The following AMBRA1 variants were observed in gnomAD, a reference collection of about 807,000 sequenced individuals.
AMBRA1 encodes autophagy and beclin 1 regulator 1.
Under a neutral mutation model 125.4 loss-of-function variants are expected in AMBRA1, and 47 were observed. The observed-to-expected ratio is 0.37, with a 90% confidence interval of 0.30 to 0.48. The LOEUF (loss-of-function observed/expected upper bound fraction) is 0.48, where lower values mean the gene tolerates loss of function less well. Ranked by LOEUF, AMBRA1 falls within the 20% of genes least tolerant of loss-of-function variation. AMBRA1 has a pLI of 0.99. For missense variants in AMBRA1, 1,331 were observed against 1,693.4 expected, an observed-to-expected ratio of 0.79 and a Z score of 3.76; for synonymous variants, 626 against 655.5, an observed-to-expected ratio of 0.95 and a Z score of 0.69.
chr11:46,548,221 T>G, intron 2 of AMBRA1, 25 bp downstream of exon 2: 1 of 1,613,968 alleles, frequency 6.2e-7, no homozygotes, highest in Non-Finnish European at 8.5e-7. Flanking sequence ...ACAAATCCTA[T>G]GTGAAATATA....
rs1952759095 is a variant in AMBRA1, at chr11:46,541,842, G to C, written c.2072+103C>G. 3 of 1,454,990 alleles carry C rather than the reference G, an allele frequency of 2.1e-6. No homozygotes were observed. In the South Asian group the frequency reaches 3.9e-5, roughly 19 times the overall value. The allele number at this position is 1,454,990 out of a possible 1,614,324, so 90.1% of individuals were successfully genotyped here. A position where few individuals can be genotyped will look rare whatever the true frequency, so the allele number is the denominator to read the frequency against. On this transcript the variant is annotated intron_variant, in intron 7 of 17. Transcript: ENST00000683756. ...ATGGCGAGATCAGAAGCAGATGCGTGGGTCCCAGACACTCCAGATACAGCC... is the reference window on the plus strand; with the variant it reads ...ATGGCGAGATCAGAAGCAGATGCGTCGGTCCCAGACACTCCAGATACAGCC...
At chr11:46,399,041 T>C (rs1945589002) in intron 17 of AMBRA1, among the ~76,000 whole-genome samples, 1 of 152,060 alleles carries the variant, frequency 6.6e-6, no homozygotes, top group African/African-American at 2.4e-5. Flanking sequence ...CCCAAAGTGC[T>C]AGGATTACAG....
intron 7 of AMBRA1, 91 bp downstream of exon 7, chr11:46,541,854 C>T: frequency 6.5e-7 from 1 of 1,532,368 alleles, no homozygotes; most frequent in Non-Finnish European, 8.8e-7. Context: ...GTCCCAGACA[C>T]TCCAGATACA....
chr11:46,526,260 C>G (rs1346617349), intron 7 of AMBRA1, among the ~76,000 whole-genome samples: 1 of 151,724 alleles, frequency 6.6e-6, no homozygotes, highest in Non-Finnish European at 1.5e-5. Flanking sequence ...ATAGATATGG[C>G]CCTTAGAGTA....
chr11:46,476,472 A>G (rs531441364), intron 11 of AMBRA1, among the ~76,000 whole-genome samples: 1 of 152,236 alleles, frequency 6.6e-6, no homozygotes, highest in South Asian at 2.1e-4. Context: ...TACTGCTTCT[A>G]TCCCATAGGA....
At chr11:46,458,831 G>A (rs1565180163) in intron 11 of AMBRA1, among the ~76,000 whole-genome samples, 1 of 152,132 alleles carries the variant, frequency 6.6e-6, no homozygotes, top group Non-Finnish European at 1.5e-5. Flanking sequence ...AATACACAAG[G>A]AATGTCACCA....
chr11:46,579,451 C>T (rs943203584), intron 1 of AMBRA1, among the ~76,000 whole-genome samples: 1 of 152,112 alleles, frequency 6.6e-6, no homozygotes, highest in Non-Finnish European at 1.5e-5. Flanking sequence ...GAGCAAAACT[C>T]CATCTCAATA....
intron 1 of AMBRA1, among the ~76,000 whole-genome samples, chr11:46,581,480 G>A (rs1001083048): frequency 1.2e-4 from 18 of 152,018 alleles, no homozygotes; most frequent in Admixed American, 5.2e-4. Flanking sequence ...GGTGGTAGGC[G>A]CCTGTAGTCC....
intron 11 of AMBRA1, among the ~76,000 whole-genome samples, chr11:46,467,828 T>G (rs1211831797): frequency 6.6e-6 from 1 of 152,202 alleles, no homozygotes; most frequent in African/African-American, 2.4e-5. Flanking sequence ...GCCCTTTTAC[T>G]GTTAATTTAG....
In AMBRA1 at chr11:46,508,257, G is replaced by A; in HGVS notation, c.2273C>T (p.Ser758Phe). 2 of 1,614,216 alleles carry A rather than the reference G, an allele frequency of 1.2e-6. No homozygotes were observed. Among genetic ancestry groups the A allele is most frequent in the Non-Finnish European group, 1.7e-6 (2 of 1,180,024 alleles). ...YQQNRLRSSTSSSSSDNQGPS... is the reference protein window; with the variant it reads ...YQQNRLRSSTFSSSSDNQGPS... ...ACCCTGGTTGTCTGAGGAAGAGGAG[G>A]AGGTGGAAGAACGGAGACGGTTCTG... Residue 758 changes from serine to phenylalanine, a missense_variant, in exon 9 of 18, where the codon TCC becomes TTC. Around this residue, in one of 4 missense-constraint regions of AMBRA1, gnomAD observed 689 missense variants for 776.5 expected, o/e 0.89. Coordinates refer to ENST00000683756, the MANE Select transcript of AMBRA1 (RefSeq NM_001387011.1).
chr11:46,473,158 G>A (rs191462679), intron 11 of AMBRA1, among the ~76,000 whole-genome samples: 247 of 152,340 alleles, frequency 1.6e-3, no homozygotes, highest in African/African-American at 5.7e-3. Flanking sequence ...TTAATGCAAC[G>A]TCACTGGAAA....
chr11:46,466,994 T>G (rs1219728380), intron 11 of AMBRA1, among the ~76,000 whole-genome samples: 1 of 151,638 alleles, frequency 6.6e-6, no homozygotes, highest in Non-Finnish European at 1.5e-5. Context: ...CTTGGCTCAC[T>G]GAAACCTTCA....
At chr11:46,399,065 C>T (rs545812498) in intron 17 of AMBRA1, among the ~76,000 whole-genome samples, 4 of 151,786 alleles carry the variant, frequency 2.6e-5, no homozygotes, top group Non-Finnish European at 5.9e-5. Flanking sequence ...TGAGCCACCA[C>T]GCCTGGCCAT....
chr11:46,507,469 ACTC>A lies in AMBRA1; in HGVS notation c.2339+719_2339+721del, dbSNP rs572657672. 3.6e-3 allele frequency among the ~76,000 whole-genome samples: 513 copies of A among 142,126 alleles called. 1 individual carries two copies. Among genetic ancestry groups the A allele is most frequent in the South Asian group, 0.011 (50 of 4,350 alleles). The allele number at this position is 142,126 out of a possible 152,430, so 93.2% of individuals were successfully genotyped here. A position where few individuals can be genotyped will look rare whatever the true frequency, so the allele number is the denominator to read the frequency against. On this transcript the variant is annotated intron_variant, in intron 9 of 17. Transcript: ENST00000683756. Reference sequence around the variant, plus strand: ...ACTCCAGCCTGAGCGAAAGAGCGAGACTCCGTCTCAAAAAAAAAAAAAAAAAAG... The same window carrying A: ...ACTCCAGCCTGAGCGAAAGAGCGAGACGTCTCAAAAAAAAAAAAAAAAAAG...
rs35217088 is a variant in AMBRA1 at position 46,503,060 on chromosome 11, C to CAA, written c.2339+5129_2339+5130dup. 7.0e-3 allele frequency among the ~76,000 whole-genome samples: 215 copies of CAA among 30,876 alleles called. 5 individuals carry two copies. The highest frequency in any genetic ancestry group is 0.042 in the Middle Eastern group (2 of 48). The allele number at this position is 30,876 out of a possible 152,430, so 20.3% of individuals were successfully genotyped here. ...TGGGTGACAGAGCGAGACTCTGTCT[C>CAA]AAAAAAAAAAAAAAAAAAAAAAAAA... On this transcript the variant is annotated intron_variant, in intron 9 of 17. Transcript: ENST00000683756.
rs925524727 is a variant in AMBRA1 at position 46,397,009 on chromosome 11, G to A, written c.*441C>T. On this transcript the variant is annotated 3_prime_UTR_variant, in exon 18 of 18. Coordinates refer to ENST00000683756, the MANE Select transcript of AMBRA1 (RefSeq NM_001387011.1). ...GGCTCAGAGTTGGAGGTGGTGTCTG[G>A]GTTCCTGGTGGCTCTGCCCACCCAA... The A allele has an allele frequency of 6.4e-6, 1 of 156,204 alleles. No individual in the cohort carries two copies. The highest frequency in any genetic ancestry group is 2.4e-5 in the African/African-American group (1 of 41,590). 9.7% of individuals were successfully genotyped at this position (156,204 alleles called of 1,614,324 possible).
At chr11:46,531,185 C>T (rs1952201826) in intron 7 of AMBRA1, among the ~76,000 whole-genome samples, 1 of 152,142 alleles carries the variant, frequency 6.6e-6, no homozygotes, top group African/African-American at 2.4e-5. Flanking sequence ...ACCAGGCCCA[C>T]ACTCACTCAT....
intron 14 of AMBRA1, among the ~76,000 whole-genome samples, chr11:46,429,513 C>T (rs1441343941): frequency 6.6e-6 from 1 of 152,156 alleles, no homozygotes; most frequent in Non-Finnish European, 1.5e-5. Context: ...CTCAAAATGC[C>T]CTAGCTTCGT....
Position 46,514,891 on chromosome 11 carries a change from G to A in AMBRA1, c.2073-2078C>T, listed in dbSNP as rs180878139. Among the ~76,000 whole-genome samples the A allele has an allele frequency of 7.3e-3, 1,107 of 152,160 alleles. 22 individuals carry two copies. The highest frequency in any genetic ancestry group is 0.026 in the African/African-American group (1,074 of 41,508). ...AGGGTAGTGAGAGATACAGAGTCTG[G>A]GAAAAAAGGAAAATCAAAATTTTGA... On this transcript the variant is annotated intron_variant, in intron 7 of 17. Transcript: ENST00000683756.
Sources: gnomAD v4.1 joint callset for allele counts (sites outside exome capture counted in the v4.1 genomes callset) on GRCh38, gnomAD v4.1.1 for gene constraint, gnomAD v4.1.1 regional missense constraint, MANE v1.5 for transcripts, NCBI Gene and HGNC (gene_info 2026-07-23, HGNC 2026-07-21) for gene names.